CDH12: variants seen among roughly 807,000 people sequenced by gnomAD.
CDH12 encodes the protein cadherin-12.
Under a neutral mutation model 74.1 loss-of-function variants are expected in CDH12, and 41 were observed. That is an observed-to-expected ratio of 0.55 (90% CI 0.43 to 0.72). The LOEUF (loss-of-function observed/expected upper bound fraction) is 0.72. Ranked by LOEUF, CDH12 falls within the 30% of genes least tolerant of loss-of-function variation. The pLI is 0.00. For missense variants in CDH12, 945 were observed against 977.2 expected, an observed-to-expected ratio of 0.97 and a Z score of 0.44; for synonymous variants, 399 against 355.0, an observed-to-expected ratio of 1.12 and a Z score of -1.39.
intron 9 of CDH12, among the ~76,000 whole-genome samples, chr5:21,808,459 T>G (rs984602792): frequency 6.6e-6 from 1 of 151,852 alleles, no homozygotes; most frequent in African/African-American, 2.4e-5. Context: ...AATTATCTAG[T>G]AGGTCTTAAT....
At chr5:22,402,186 A>C (rs2126450293) in intron 3 of CDH12, among the ~76,000 whole-genome samples, 1 of 152,320 alleles carries the variant, frequency 6.6e-6, no homozygotes, top group Non-Finnish European at 1.5e-5. Context: ...AATGGACAGA[A>C]GTTGGTAGAA....
At chr5:22,760,702 A>T (rs866737550) in intron 1 of CDH12, among the ~76,000 whole-genome samples, 1 of 126,840 alleles carries the variant, frequency 7.9e-6, no homozygotes, top group Non-Finnish European at 1.7e-5. Context: ...AAAAAAAAAC[A>T]AAAAAAAAAA....
At chr5:22,739,365 C>T (rs79618984) in intron 1 of CDH12, among the ~76,000 whole-genome samples, 9,612 of 151,628 alleles carry the variant, frequency 0.063, 349 homozygotes, top group African/African-American at 0.094. Context: ...CACAATACTA[C>T]GTAAAATATA....
At chr5:22,654,978 A>G (rs1739960046) in intron 1 of CDH12, among the ~76,000 whole-genome samples, 1 of 152,066 alleles carries the variant, frequency 6.6e-6, no homozygotes, top group African/African-American at 2.4e-5. Context: ...AATCCAGACC[A>G]CAATATTCAG....
intron 1 of CDH12, among the ~76,000 whole-genome samples, chr5:22,825,710 G>A (rs1427291373): frequency 6.6e-6 from 1 of 152,164 alleles, no homozygotes; most frequent in Non-Finnish European, 1.5e-5. Context: ...CAATTGGCTT[G>A]TACTCAGAAT....
chr5:22,613,827 C>T (rs748936775), intron 1 of CDH12, among the ~76,000 whole-genome samples: 47 of 151,968 alleles, frequency 3.1e-4, no homozygotes, highest in Non-Finnish European at 6.0e-4. Flanking sequence ...TCATGTGTAT[C>T]ACGTTTATGA....
At chr5:22,558,052 A>C (rs1738877088) in intron 1 of CDH12, among the ~76,000 whole-genome samples, 1 of 152,218 alleles carries the variant, frequency 6.6e-6, no homozygotes, top group Middle Eastern at 3.4e-3. Flanking sequence ...TCATGGGGAG[A>C]ATAAAGAAGC....
chr5:22,467,498 C>T (rs567151024), intron 2 of CDH12, among the ~76,000 whole-genome samples: 1 of 152,284 alleles, frequency 6.6e-6, no homozygotes, highest in East Asian at 1.9e-4. Context: ...TTTCAGTCAC[C>T]TCTACCTGCA....
intron 6 of CDH12, among the ~76,000 whole-genome samples, chr5:21,953,384 C>T (rs1165751885): frequency 3.3e-5 from 5 of 152,196 alleles, no homozygotes; most frequent in Non-Finnish European, 7.3e-5. Context: ...ACCCGGTTGC[C>T]TTGGGCATGC....
At chr5:22,452,901 A>AAAATAAAT (rs1554041810) in intron 2 of CDH12, among the ~76,000 whole-genome samples, 4 of 125,940 alleles carry the variant, frequency 3.2e-5, no homozygotes, top group Admixed American at 1.1e-4. Flanking sequence ...AAAAAAAAAA[A>AAAATAAAT]AAATGAGTTA....
chr5:21,754,715 ATTTTTGG>A (rs1744288380), intron 14 of CDH12, among the ~76,000 whole-genome samples: 1 of 151,972 alleles, frequency 6.6e-6, no homozygotes, highest in Non-Finnish European at 1.5e-5. Flanking sequence ...TTGTCAGATT[ATTTTTGG>A]TTAAACAGTA....
chr5:22,142,097 G>A (rs1424117255), intron 4 of CDH12, among the ~76,000 whole-genome samples: 3 of 152,096 alleles, frequency 2.0e-5, no homozygotes, highest in Non-Finnish European at 4.4e-5. Flanking sequence ...AGTGAATCTG[G>A]GTTAAGGCAC....
chr5:22,108,799 GTCT>G lies in CDH12; in HGVS notation c.-186-29940_-186-29938del, dbSNP rs529263477. 5.9e-5 allele frequency among the ~76,000 whole-genome samples: 9 copies of G among 152,248 alleles called. No individual in the cohort carries two copies. In the South Asian group the frequency reaches 1.7e-3, roughly 28 times the overall value. On this transcript the variant is annotated intron_variant, in intron 4 of 14. Coordinates refer to ENST00000382254, the MANE Select transcript of CDH12 (RefSeq NM_004061.5). ...GTAGATGCCTTCTCAGTAATAATAT[GTCT>G]TATGTCACATTAGGCTCATAATGAA...
chr5:21,986,620 A>T (rs1757526176), intron 5 of CDH12, among the ~76,000 whole-genome samples: 1 of 152,076 alleles, frequency 6.6e-6, no homozygotes, highest in South Asian at 2.1e-4. Flanking sequence ...TTCATATCAA[A>T]TTTTCAGTAA....
At chr5:22,288,539 C>CTATATTATTA (rs1421127813) in intron 3 of CDH12, among the ~76,000 whole-genome samples, 11 of 152,102 alleles carry the variant, frequency 7.2e-5, no homozygotes, top group Admixed American at 1.3e-4. Context: ...TTAAAGTTAG[C>CTATATTATTA]AATGACAGAT....
chr5:22,244,822 G>A (rs1289925879), intron 3 of CDH12, among the ~76,000 whole-genome samples: 5 of 150,936 alleles, frequency 3.3e-5, no homozygotes, highest in Non-Finnish European at 5.9e-5. Flanking sequence ...GTAGGAGTGG[G>A]GAGCTAGAGA....
chr5:22,715,787 T>G (rs1743540475), intron 1 of CDH12, among the ~76,000 whole-genome samples: 1 of 132,738 alleles, frequency 7.5e-6, no homozygotes. Flanking sequence ...AGCTACAGAG[T>G]GAGATCCCAT....
chr5:22,323,790 T>C (rs574855975), intron 3 of CDH12, among the ~76,000 whole-genome samples: 58 of 152,114 alleles, frequency 3.8e-4, no homozygotes, highest in African/African-American at 1.3e-3. Context: ...CTTTAAGTTA[T>C]AGAAAGAAGA....
At chr5:22,567,869 C>G (rs13188451) in intron 1 of CDH12, among the ~76,000 whole-genome samples, 21,756 of 152,192 alleles carry the variant, frequency 0.14, 1,662 homozygotes, top group South Asian at 0.21. Flanking sequence ...CTTAACACAC[C>G]TGTCCATATA....
Sources: allele counts gnomAD v4.1 joint callset (sites outside exome capture counted in the v4.1 genomes callset), GRCh38; gene constraint gnomAD v4.1.1; transcripts MANE v1.5; gene names NCBI Gene and HGNC (gene_info 2026-07-23, HGNC 2026-07-21).